PTPRT: variants seen among roughly 807,000 people sequenced by gnomAD.
PTPRT encodes the protein receptor-type tyrosine-protein phosphatase T.
A neutral mutation model predicts 176.8 loss-of-function variants in PTPRT; 56 were observed. The ratio of observed to expected loss-of-function variants is 0.32; its 90% CI spans 0.26 to 0.40. The LOEUF is 0.40. PTPRT is among the 10% of genes least tolerant of loss of function. PTPRT has a pLI of 1.00. For missense variants in PTPRT, 1,540 were observed against 1,908.2 expected (o/e 0.81, Z 3.60); for synonymous variants, 783 against 739.0 (o/e 1.06, Z -0.96).
intron 6 of PTPRT, among the ~76,000 whole-genome samples, chr20:42,711,132 T>C (rs2076138462): frequency 6.6e-6 from 1 of 152,230 alleles, no homozygotes; most frequent in East Asian, 1.9e-4. Flanking sequence ...TGGAAGGAAC[T>C]TGTTTTGAGT....
At position 42,074,157 on chromosome 20, in the gene PTPRT, C is replaced by T. The variant is rs1198503450; in HGVS notation, c.*6722G>A. 1.8e-5 allele frequency: 4 copies of T among 228,222 alleles called. No individual in the cohort carries two copies. The highest frequency in any genetic ancestry group is 3.5e-5 in the Non-Finnish European group (4 of 114,964). 14.1% of individuals were successfully genotyped at this position (228,222 alleles called of 1,614,324 possible). A position where few individuals can be genotyped will look rare whatever the true frequency, so the allele number is the denominator to read the frequency against. On this transcript the variant is annotated 3_prime_UTR_variant, in exon 31 of 31. Transcript: ENST00000373187. ...TGACACCACTCTGCCCTCTAAGCCTCCAGACTGCCCTGGGGCCTTTGACCC... is the reference window on the plus strand; with the variant it reads ...TGACACCACTCTGCCCTCTAAGCCTTCAGACTGCCCTGGGGCCTTTGACCC...
chr20:42,095,891 C>T (rs1382082106), intron 27 of PTPRT, among the ~76,000 whole-genome samples: 1 of 152,192 alleles, frequency 6.6e-6, no homozygotes, highest in Non-Finnish European at 1.5e-5. Flanking sequence ...CTCACAGGCA[C>T]ATCCCAAGGT....
chr20:42,584,014 C>T (rs2145733654), intron 7 of PTPRT, among the ~76,000 whole-genome samples: 1 of 152,274 alleles, frequency 6.6e-6, no homozygotes, highest in South Asian at 2.1e-4. Flanking sequence ...ACTGATCTGG[C>T]TGAGCCCAGC....
intron 1 of PTPRT, among the ~76,000 whole-genome samples, chr20:43,127,736 A>G (rs762521933): frequency 1.6e-4 from 25 of 152,188 alleles, no homozygotes; most frequent in Non-Finnish European, 2.9e-4. Flanking sequence ...CCACCTGGGC[A>G]TTCCAAAGAG....
At chr20:42,420,008 C>A (rs112183986) in intron 9 of PTPRT, among the ~76,000 whole-genome samples, 8 of 152,274 alleles carry the variant, frequency 5.3e-5, no homozygotes, top group African/African-American at 1.4e-4. Context: ...TTTTCCCCAA[C>A]AGCCTTCGGA....
At chr20:43,107,174 G>A (rs2012651447) in intron 1 of PTPRT, among the ~76,000 whole-genome samples, 1 of 152,168 alleles carries the variant, frequency 6.6e-6, no homozygotes, top group African/African-American at 2.4e-5. Flanking sequence ...GAATTTTCAA[G>A]TGAAATGAAG....
At chr20:42,546,248 G>A (rs1478824209) in intron 7 of PTPRT, among the ~76,000 whole-genome samples, 1 of 152,122 alleles carries the variant, frequency 6.6e-6, no homozygotes, top group Non-Finnish European at 1.5e-5. Context: ...CGTGGTGGAA[G>A]AAGATTTATA....
Position 42,928,503 on chromosome 20 carries a change from T to C in PTPRT, c.89-42571A>G, listed in dbSNP as rs189378010. On this transcript the variant is annotated intron_variant, in intron 1 of 30. Transcript: ENST00000373187. Reference sequence around the variant, plus strand: ...CTGTCCCCTTGCCACAGAACATGTGTGTCTGTCATATGTCGGGGTGAGTGA... The same window carrying C: ...CTGTCCCCTTGCCACAGAACATGTGCGTCTGTCATATGTCGGGGTGAGTGA... 4.1e-3 allele frequency among the ~76,000 whole-genome samples: 621 copies of C among 152,274 alleles called. 3 individuals are homozygous for C. Among genetic ancestry groups the C allele is most frequent in the African/African-American group, 0.014 (580 of 41,562 alleles).
In PTPRT at chr20:42,274,536, AGTGTGTGT is replaced by A. The variant is rs529883269; in HGVS notation, c.2176+7945_2176+7952del. The stretch of plus-strand genomic sequence containing the variant: ...TCTTTACTGTTTCCAGGCCCTGTAC[AGTGTGTGT>A]GTGTGTGTGTGTGTGTGTGTGTGTG... On this transcript the variant is annotated intron_variant, in intron 13 of 30. Coordinates refer to ENST00000373187, the MANE Select transcript of PTPRT (RefSeq NM_007050.6). Among the ~76,000 whole-genome samples the A allele has an allele frequency of 2.7e-3, 305 of 113,340 alleles. 2 individuals are homozygous for A. The highest frequency in any genetic ancestry group is 6.5e-3 in the East Asian group (24 of 3,714). 74.4% of individuals were successfully genotyped at this position (113,340 alleles called of 152,430 possible).
chr20:42,056,307 A>G, the PTPRT span, among the ~76,000 whole-genome samples: 2 of 152,226 alleles, frequency 1.3e-5, no homozygotes, highest in African/African-American at 2.4e-5. Context: ...TATAGGGCCA[A>G]GTCAGGCTGT....
intron 2 of PTPRT, among the ~76,000 whole-genome samples, chr20:42,859,336 G>A (rs1292509241): frequency 6.6e-6 from 1 of 152,132 alleles, no homozygotes; most frequent in African/African-American, 2.4e-5. Context: ...AAGTCATGAA[G>A]ACATAAAGTG....
At chr20:42,633,348 C>T (rs912846624) in intron 7 of PTPRT, among the ~76,000 whole-genome samples, 1 of 152,076 alleles carries the variant, frequency 6.6e-6, no homozygotes, top group African/African-American at 2.4e-5. Flanking sequence ...TGACAGCAAA[C>T]AATCTTTGGA....
chr20:42,612,720 A>G (rs2073995677), intron 7 of PTPRT, among the ~76,000 whole-genome samples: 1 of 152,116 alleles, frequency 6.6e-6, no homozygotes, highest in Admixed American at 6.6e-5. Context: ...TCAAGCTTTT[A>G]AGACATTATA....
At chr20:42,197,906 A>T (rs1991296916) in intron 16 of PTPRT, among the ~76,000 whole-genome samples, 1 of 152,192 alleles carries the variant, frequency 6.6e-6, no homozygotes, top group East Asian at 1.9e-4. Context: ...AAGACAGTAC[A>T]TCAGTATCTA....
intron 1 of PTPRT, among the ~76,000 whole-genome samples, chr20:43,094,827 G>A (rs1371859867): frequency 6.6e-6 from 1 of 152,132 alleles, no homozygotes; most frequent in Admixed American, 6.5e-5. Flanking sequence ...CACATAATGA[G>A]TGCTAATAAA....
intron 18 of PTPRT, among the ~76,000 whole-genome samples, chr20:42,135,619 G>T (rs1426926494): frequency 6.6e-6 from 1 of 152,184 alleles, no homozygotes; most frequent in Non-Finnish European, 1.5e-5. Flanking sequence ...TACTGGAAAT[G>T]GGCCATAAGA....
At chr20:42,888,908 C>CT (rs1400665629) in intron 1 of PTPRT, among the ~76,000 whole-genome samples, 2 of 152,036 alleles carry the variant, frequency 1.3e-5, no homozygotes, top group African/African-American at 2.4e-5. Context: ...TGTGTTGATG[C>CT]TAAAAAAAAC....
At chr20:42,457,606 C>T (rs1419860480) in intron 8 of PTPRT, among the ~76,000 whole-genome samples, 5 of 152,098 alleles carry the variant, frequency 3.3e-5, no homozygotes, top group African/African-American at 1.2e-4. Context: ...TTAAATATTT[C>T]CAACTCACAG....
intron 7 of PTPRT, among the ~76,000 whole-genome samples, chr20:42,663,405 TC>T (rs1447571852): frequency 7.2e-5 from 11 of 152,250 alleles, no homozygotes; most frequent in Non-Finnish European, 1.5e-4. Flanking sequence ...CTTGCCTGAG[TC>T]CCACCAAACA....
Sources: gnomAD v4.1 joint callset for allele counts (sites outside exome capture counted in the v4.1 genomes callset) on GRCh38, gnomAD v4.1.1 for gene constraint, MANE v1.5 for transcripts, NCBI Gene and HGNC (gene_info 2026-07-23, HGNC 2026-07-21) for gene names.